STAT4: variants seen among roughly 807,000 people sequenced by gnomAD.
STAT4 encodes signal transducer and activator of transcription 4.
A neutral mutation model predicts 110.5 loss-of-function variants in STAT4; 42 were observed. The observed-to-expected ratio is 0.38, with a 90% CI of 0.30 to 0.49. The LOEUF is 0.49. Among genes scored for constraint, STAT4 ranks in the 20% least tolerant of loss-of-function variants. The pLI is 0.95. For missense variants in STAT4, 632 were observed against 887.9 expected (o/e 0.71, Z 3.66); for synonymous variants, 284 against 302.2 (o/e 0.94, Z 0.63).
chr2:191,102,186 T>G (rs1698164921), intron 3 of STAT4, among the ~76,000 whole-genome samples: 1 of 152,170 alleles, frequency 6.6e-6, no homozygotes, highest in African/African-American at 2.4e-5. Flanking sequence ...AACTCCCACA[T>G]GCTTACCGTT....
rs1183657851 is a variant in STAT4 at position 191,046,964 on chromosome 2, T to A, written c.1252-5816A>T. Among the ~76,000 whole-genome samples, 1 of 152,126 alleles carries A rather than the reference T, an allele frequency of 6.6e-6. No homozygotes were observed. The highest frequency in any genetic ancestry group is 1.5e-5 in the Non-Finnish European group (1 of 68,010). On this transcript the variant is annotated intron_variant, in intron 14 of 23. Transcript: ENST00000392320. The surrounding 1 kb of genome is among the most constrained non-coding windows in gnomAD (Gnocchi z 4.6). Reference sequence around the variant, plus strand: ...GAGAGTTGGTTGCTAGGGGAACCAATCATGTGATTAGGAGTTGGAACTTCT... The same window carrying A: ...GAGAGTTGGTTGCTAGGGGAACCAAACATGTGATTAGGAGTTGGAACTTCT...
chr2:191,097,394 A>G (rs1669425887), intron 3 of STAT4, among the ~76,000 whole-genome samples: 2 of 152,184 alleles, frequency 1.3e-5, no homozygotes, highest in Non-Finnish European at 2.9e-5. Context: ...AGTAACCAAA[A>G]CAGCATGGTA....
intron 6 of STAT4, among the ~76,000 whole-genome samples, chr2:191,067,327 A>C (rs527389647): frequency 6.6e-6 from 1 of 152,194 alleles, no homozygotes; most frequent in South Asian, 2.1e-4. Flanking sequence ...AGCACACGTG[A>C]AGTGCTCGGA....
intron 3 of STAT4, among the ~76,000 whole-genome samples, chr2:191,132,579 A>G (rs1699064653): frequency 6.6e-6 from 1 of 151,728 alleles, no homozygotes; most frequent in Admixed American, 6.6e-5. Flanking sequence ...TACAACAAGG[A>G]TAATGTAACT....
chr2:191,131,197 C>T (rs1387335725), intron 3 of STAT4, among the ~76,000 whole-genome samples: 1 of 151,754 alleles, frequency 6.6e-6, no homozygotes, highest in Non-Finnish European at 1.5e-5. Flanking sequence ...CATGATTCAG[C>T]AATTCCACTC....
intron 3 of STAT4, among the ~76,000 whole-genome samples, chr2:191,129,018 G>T (rs1428534506): frequency 6.6e-6 from 1 of 152,036 alleles, no homozygotes; most frequent in African/African-American, 2.4e-5. Flanking sequence ...GAATTTTTTC[G>T]ACTGTGAGCT....
rs572469332 is a variant in STAT4 at position 191,059,180 on chromosome 2, T to G, written c.1035-411A>C. ...AAAAGCACTTTGTGAGCTTTAATGA[T>G]AAGTGTTTTATGGTGAACATACTAA... On this transcript the variant is annotated intron_variant, in intron 10 of 23. Transcript: ENST00000392320. This position sits in a 1 kb window ranked among gnomAD's most constrained non-coding sequence, Gnocchi z 4.7. Among the ~76,000 whole-genome samples, 2 of 152,244 alleles carry G rather than the reference T, an allele frequency of 1.3e-5. No homozygotes were observed. The highest frequency in any genetic ancestry group is 2.9e-5 in the Non-Finnish European group (2 of 68,042).
rs1301815099 is a variant in STAT4 at position 191,042,126 on chromosome 2, C to T, written c.1252-978G>A. Reference sequence around the variant, plus strand: ...TTCTATACCCAACACCGTCCTCCAACACCCCTTTGAAACAGCCAGATTCTA... The same window carrying T: ...TTCTATACCCAACACCGTCCTCCAATACCCCTTTGAAACAGCCAGATTCTA... On this transcript the variant is annotated intron_variant, in intron 14 of 23. Coordinates refer to ENST00000392320, the MANE Select transcript of STAT4 (RefSeq NM_003151.4). This position sits in a 1 kb window ranked among gnomAD's most constrained non-coding sequence, Gnocchi z 4.2. Among the ~76,000 whole-genome samples, 2 of 152,180 alleles carry T rather than the reference C, an allele frequency of 1.3e-5. No homozygotes were observed. The highest frequency in any genetic ancestry group is 3.8e-4 in the East Asian group (2 of 5,202).
intron 3 of STAT4, among the ~76,000 whole-genome samples, chr2:191,141,409 A>G (rs533339390): frequency 2.1e-5 from 1 of 47,854 alleles, no homozygotes; most frequent in South Asian, 7.0e-4. Flanking sequence ...ATATATACAT[A>G]TACATATGTA....
intron 1 of STAT4, 25 bp from the exon 2 acceptor site, chr2:191,148,229 A>C (rs749279616): frequency 6.2e-7 from 1 of 1,610,070 alleles, no homozygotes; most frequent in Non-Finnish European, 8.5e-7. Context: ...GTAGAATTAG[A>C]GTTTTAAAAT....
Position 191,046,636 on chromosome 2 carries a change from T to C in STAT4, c.1252-5488A>G, listed in dbSNP as rs542179733. On this transcript the variant is annotated intron_variant, in intron 14 of 23. Coordinates refer to ENST00000392320, the MANE Select transcript of STAT4 (RefSeq NM_003151.4). This position sits in a 1 kb window ranked among gnomAD's most constrained non-coding sequence, Gnocchi z 4.6. Reference sequence around the variant, plus strand: ...AGGGAGGACTGCAGCTGGAGGATGGTTGAAGGAAAACTTTCGGAGTGAGGT... The same window carrying C: ...AGGGAGGACTGCAGCTGGAGGATGGCTGAAGGAAAACTTTCGGAGTGAGGT... 4.7e-4 allele frequency among the ~76,000 whole-genome samples: 72 copies of C among 152,266 alleles called. No individual in the cohort carries two copies. The highest frequency in any genetic ancestry group is 8.4e-4 in the Non-Finnish European group (57 of 68,006).
At chr2:191,034,693 T>C in intron 17 of STAT4, 96 bp from the exon 18 acceptor site, 1 of 879,782 alleles carries the variant, frequency 1.1e-6, no homozygotes. Flanking sequence ...CTTTCAAGCA[T>C]TTCTTAAGCA....
Position 191,088,442 on chromosome 2 carries a change from A to T in STAT4, c.274-12117T>A, listed in dbSNP as rs559449828. Reference sequence around the variant, plus strand: ...CTAAATAAATGAAAAGATATTTCATATTCACTTTAGGCAGAAATAAGCAGA... The same window carrying T: ...CTAAATAAATGAAAAGATATTTCATTTTCACTTTAGGCAGAAATAAGCAGA... On this transcript the variant is annotated intron_variant, in intron 3 of 23. Coordinates refer to ENST00000392320, the MANE Select transcript of STAT4 (RefSeq NM_003151.4). Among the ~76,000 whole-genome samples the T allele has an allele frequency of 8.5e-5, 13 of 152,328 alleles. No individual in the cohort carries two copies. The South Asian group carries it at 2.3e-3, about 27-fold the overall frequency.
rs1335579021 is a variant in STAT4 at position 191,147,685 on chromosome 2, A to G, written c.128+391T>C. On this transcript the variant is annotated intron_variant, in intron 2 of 23. Transcript: ENST00000392320. The surrounding 1 kb of genome is among the most constrained non-coding windows in gnomAD (Gnocchi z 4.1). Reference sequence around the variant, plus strand: ...TTATGTGTATTTTACCACAATAAAAAAGATGGCTGAAAAAAATTAAATGGT... The same window carrying G: ...TTATGTGTATTTTACCACAATAAAAGAGATGGCTGAAAAAAATTAAATGGT... 2.0e-5 allele frequency among the ~76,000 whole-genome samples: 3 copies of G among 152,238 alleles called. No individual in the cohort carries two copies. The highest frequency in any genetic ancestry group is 2.1e-4 in the South Asian group (1 of 4,834).
rs1482208168 is a variant in STAT4, at chr2:191,147,879, A to T, written c.128+197T>A. On this transcript the variant is annotated intron_variant, in intron 2 of 23. Transcript: ENST00000392320. The surrounding 1 kb of genome is among the most constrained non-coding windows in gnomAD (Gnocchi z 4.1). ...GAGAAAAGAAGCACTGGAACCATTA[A>T]CTTTTCATTTACAATGAATGGAACC... Among the ~76,000 whole-genome samples, 1 of 152,200 alleles carries T rather than the reference A, an allele frequency of 6.6e-6. No homozygotes were observed. The highest frequency in any genetic ancestry group is 1.9e-4 in the East Asian group (1 of 5,198).
chr2:191,139,539 C>G (rs1477125078), intron 3 of STAT4, among the ~76,000 whole-genome samples: 2 of 152,082 alleles, frequency 1.3e-5, no homozygotes, highest in Admixed American at 1.3e-4. Flanking sequence ...GGGAATATAC[C>G]TATCCAAGGG....
At position 191,061,638 on chromosome 2, in the gene STAT4, A is replaced by T; in HGVS notation, c.1034+91T>A. ...CAGATGGTTCAATAAAGAACAGCTG[A>T]ATGCAAGCCACAATGAGAGAAATTG... On this transcript the variant is annotated intron_variant, in intron 10 of 23. Transcript: ENST00000392320. This position sits in a 1 kb window ranked among gnomAD's most constrained non-coding sequence, Gnocchi z 6.2. 3 of 1,194,090 alleles carry T rather than the reference A, an allele frequency of 2.5e-6. No homozygotes were observed. Among genetic ancestry groups the T allele is most frequent in the Non-Finnish European group, 3.8e-6 (3 of 799,902 alleles). The allele number at this position is 1,194,090 out of a possible 1,614,324, so 74.0% of individuals were successfully genotyped here.
Position 191,083,671 on chromosome 2 carries a change from C to G in STAT4, c.274-7346G>C, listed in dbSNP as rs1697550279. ...CATTTTTGAATTAGAAATGTGCAACCTACTGCGTACTTCTGGTTGCCAACT... is the reference window on the plus strand; with the variant it reads ...CATTTTTGAATTAGAAATGTGCAACGTACTGCGTACTTCTGGTTGCCAACT... On this transcript the variant is annotated intron_variant, in intron 3 of 23. Coordinates refer to ENST00000392320, the MANE Select transcript of STAT4 (RefSeq NM_003151.4). The surrounding 1 kb of genome is among the most constrained non-coding windows in gnomAD (Gnocchi z 4.6). 1.3e-5 allele frequency among the ~76,000 whole-genome samples: 2 copies of G among 152,114 alleles called. No homozygotes were observed. The highest frequency in any genetic ancestry group is 6.6e-5 in the Admixed American group (1 of 15,260).
At chr2:191,054,805 T>C (rs1298073619) in intron 13 of STAT4, among the ~76,000 whole-genome samples, 2 of 152,204 alleles carry the variant, frequency 1.3e-5, no homozygotes, top group East Asian at 1.9e-4. Flanking sequence ...AAGGAAATCA[T>C]GCTGGGAACT....
Sources: gnomAD v4.1 joint callset for allele counts (sites outside exome capture counted in the v4.1 genomes callset) on GRCh38, gnomAD v4.1.1 for gene constraint, Gnocchi (gnomAD v3.1) non-coding constraint, MANE v1.5 for transcripts, NCBI Gene and HGNC (gene_info 2026-07-23, HGNC 2026-07-21) for gene names.